PLD5: variants seen among roughly 807,000 people sequenced by gnomAD.
PLD5 encodes the protein phospholipase D family member 5.
A neutral mutation model predicts 61.1 loss-of-function variants in PLD5; 36 were observed. That is an observed-to-expected ratio of 0.59 (90% CI 0.45 to 0.78). PLD5 has a LOEUF of 0.78. Ranked by LOEUF, PLD5 falls within the 30% of genes least tolerant of loss-of-function variation. The pLI is 0.00. For synonymous variants in PLD5, 243 were observed against 242.8 expected (o/e 1.00, Z -0.01); for missense variants, 515 against 644.4 (o/e 0.80, Z 2.17).
intron 2 of PLD5, among the ~76,000 whole-genome samples, chr1:242,297,094 T>G (rs1675702821): frequency 6.6e-6 from 1 of 151,858 alleles, no homozygotes. Context: ...GCCTGTAATC[T>G]CAGCACTTTG....
intron 1 of PLD5, among the ~76,000 whole-genome samples, chr1:242,438,439 C>CTT (rs1171422837): frequency 6.2e-4 from 75 of 120,530 alleles, no homozygotes; most frequent in South Asian, 1.2e-3. Flanking sequence ...AATTTTTTTT[C>CTT]TTTTTTTTTT....
chr1:242,530,256 A>G, the PLD5 span, among the ~76,000 whole-genome samples: 1 of 152,166 alleles, frequency 6.6e-6, no homozygotes, highest in Non-Finnish European at 1.5e-5. Flanking sequence ...TTGACAATCA[A>G]CCAGCTGTGG....
chr1:242,191,572 C>T (rs1441100741), intron 5 of PLD5, among the ~76,000 whole-genome samples: 1 of 151,266 alleles, frequency 6.6e-6, no homozygotes, highest in African/African-American at 2.4e-5. Flanking sequence ...GGCAATGGAG[C>T]AAGAAGCTGT....
chr1:242,332,048 C>T (rs1399828324), intron 2 of PLD5, among the ~76,000 whole-genome samples: 1 of 152,104 alleles, frequency 6.6e-6, no homozygotes. Flanking sequence ...CCTCCCACCC[C>T]CTGACAGACC....
chr1:242,308,976 G>C (rs1468157082), intron 2 of PLD5, among the ~76,000 whole-genome samples: 7 of 152,172 alleles, frequency 4.6e-5, no homozygotes. Context: ...GACGTAAGGG[G>C]GAGAAAGTGG....
chr1:242,100,281 C>G (rs1030586413), intron 9 of PLD5, among the ~76,000 whole-genome samples: 1 of 152,190 alleles, frequency 6.6e-6, no homozygotes, highest in Admixed American at 6.5e-5. Context: ...CACTCCACTG[C>G]CTGCCTTCCC....
chr1:242,155,929 T>G (rs1467211482), intron 5 of PLD5, among the ~76,000 whole-genome samples: 3 of 152,198 alleles, frequency 2.0e-5, no homozygotes, highest in Non-Finnish European at 4.4e-5. Flanking sequence ...CTCATTGATC[T>G]GTCTAATTTT....
intron 5 of PLD5, among the ~76,000 whole-genome samples, chr1:242,140,363 G>A (rs960740498): frequency 6.6e-6 from 1 of 152,192 alleles, no homozygotes; most frequent in South Asian, 2.1e-4. Context: ...ACTTTCTGAG[G>A]CTGGGCACTG....
At chr1:242,371,871 T>G (rs1661656065) in intron 1 of PLD5, among the ~76,000 whole-genome samples, 1 of 152,104 alleles carries the variant, frequency 6.6e-6, no homozygotes, top group African/African-American at 2.4e-5. Context: ...TTAAAAGTTT[T>G]TTTTTTTAAT....
chr1:242,504,818 C>A (rs1025881660), intron 1 of PLD5, among the ~76,000 whole-genome samples: 1 of 151,980 alleles, frequency 6.6e-6, no homozygotes, highest in Non-Finnish European at 1.5e-5. Flanking sequence ...CCAAAATTTT[C>A]TTGCACATCA....
At chr1:242,501,790 T>TTATATATATATATA (rs10648981) in intron 1 of PLD5, among the ~76,000 whole-genome samples, 72 of 147,194 alleles carry the variant, frequency 4.9e-4, no homozygotes, top group African/African-American at 1.6e-3. Context: ...TAATATTCCA[T>TTATATATATATATA]TATATATATA....
intron 1 of PLD5, among the ~76,000 whole-genome samples, chr1:242,451,545 C>T (rs1009632652): frequency 7.5e-5 from 11 of 146,676 alleles, no homozygotes; most frequent in Non-Finnish European, 1.3e-4. Flanking sequence ...GTGCAACTTC[C>T]GCCACCCAGG....
chr1:242,304,459 T>C (rs1676233800), intron 2 of PLD5, among the ~76,000 whole-genome samples: 1 of 152,250 alleles, frequency 6.6e-6, no homozygotes, highest in Admixed American at 6.5e-5. Flanking sequence ...CTTAAGTTTC[T>C]TCCGAGTTGA....
At chr1:242,143,453 TAAGTGGATATGAA>T (rs558752375) in intron 5 of PLD5, among the ~76,000 whole-genome samples, 1 of 152,302 alleles carries the variant, frequency 6.6e-6, no homozygotes, top group Non-Finnish European at 1.5e-5. Context: ...ACTGGTGAAT[TAAGTGGATATGAA>T]ATCACCTCAT....
chr1:242,516,738 G>T (rs891272622), intron 1 of PLD5, among the ~76,000 whole-genome samples: 2 of 152,154 alleles, frequency 1.3e-5, no homozygotes, highest in Non-Finnish European at 2.9e-5. Context: ...TTTAGAATAA[G>T]TTTAGATGCC....
intron 1 of PLD5, among the ~76,000 whole-genome samples, chr1:242,502,623 A>G (rs72765069): frequency 0.19 from 28,697 of 152,118 alleles, 3,860 homozygotes; most frequent in East Asian, 0.59. Flanking sequence ...TAATATTTAC[A>G]TGTTTATGGG....
intron 1 of PLD5, among the ~76,000 whole-genome samples, chr1:242,430,153 T>C (rs1465289007): frequency 6.6e-6 from 1 of 151,826 alleles, no homozygotes; most frequent in African/African-American, 2.4e-5. Flanking sequence ...GCCTAGCACA[T>C]AGCATCTCAG....
rs868800851 is a variant in PLD5 at position 242,486,466 on chromosome 1, A to T, written c.189+37622T>A. Among the ~76,000 whole-genome samples, 23 of 152,270 alleles carry T rather than the reference A, an allele frequency of 1.5e-4. No homozygotes were observed. The Middle Eastern group carries it at 0.01, about 68-fold the overall frequency. ...CCAAAAGACACATGAAAAAATGCTC[A>T]TCATCACTGGCCATCAGAGAAATGC... On this transcript the variant is annotated intron_variant, in intron 1 of 9. Transcript: ENST00000536534.
chr1:242,502,685 A>G (rs958401874), intron 1 of PLD5, among the ~76,000 whole-genome samples: 7 of 151,818 alleles, frequency 4.6e-5, no homozygotes, highest in Non-Finnish European at 1.0e-4. Context: ...GTGTGTGTGT[A>G]TGTGCGTGTG....
Sources: allele counts gnomAD v4.1 joint callset (sites outside exome capture counted in the v4.1 genomes callset), GRCh38; gene constraint gnomAD v4.1.1; transcripts MANE v1.5; gene names NCBI Gene and HGNC (gene_info 2026-07-23, HGNC 2026-07-21).